Variants in PCDHA11 observed in about 807,000 individuals in gnomAD.
The protein encoded by PCDHA11 is protocadherin alpha-11.
A neutral mutation model predicts 70.3 loss-of-function variants in PCDHA11; 61 were observed. That is an observed-to-expected ratio of 0.87 (90% CI 0.71 to 1.07). The LOEUF (loss-of-function observed/expected upper bound fraction) is 1.07, where lower values mean the gene tolerates loss of function less well. PCDHA11 is among the 50% of genes least tolerant of loss of function. The pLI, the probability that PCDHA11 is intolerant of heterozygous loss-of-function variation, is 0.00. For synonymous variants in PCDHA11, 633 were observed against 555.1 expected (o/e 1.14, Z -1.97); for missense variants, 1,324 against 1,237.5 (o/e 1.07, Z -1.05).
chr5:140,884,479 C>A (rs1554181619), intron 1 of PCDHA11: 2 of 1,613,914 alleles, frequency 1.2e-6, no homozygotes, highest in African/African-American at 1.3e-5. Flanking sequence ...CGGGCAAGCC[C>A]ACTCTAGTGT....
intron 1 of PCDHA11, among the ~76,000 whole-genome samples, chr5:140,974,321 T>C (rs2096622495): frequency 6.6e-6 from 1 of 152,226 alleles, no homozygotes; most frequent in Non-Finnish European, 1.5e-5. Context: ...AGAGAGTAGC[T>C]GCTGTGCTAG....
intron 1 of PCDHA11, among the ~76,000 whole-genome samples, chr5:140,933,053 G>C (rs2088831256): frequency 6.6e-6 from 1 of 151,948 alleles, no homozygotes; most frequent in Non-Finnish European, 1.5e-5. Flanking sequence ...TTACAGTCCA[G>C]GATCCTGACT....
At chr5:141,004,258 A>C (rs1164603441) in intron 3 of PCDHA11, among the ~76,000 whole-genome samples, 1 of 152,232 alleles carries the variant, frequency 6.6e-6, no homozygotes, top group Non-Finnish European at 1.5e-5. Flanking sequence ...TTTTACTGGA[A>C]TGAGTCACAG....
chr5:140,883,290 T>C, intron 1 of PCDHA11: 1 of 1,614,060 alleles, frequency 6.2e-7, no homozygotes, highest in South Asian at 1.1e-5. Context: ...GTGGAAGTAC[T>C]AGATGTAAAT....
At chr5:140,951,170 A>G (rs62384503) in intron 1 of PCDHA11, among the ~76,000 whole-genome samples, 5,911 of 151,952 alleles carry the variant, frequency 0.039, 176 homozygotes, top group Non-Finnish European at 0.057. Flanking sequence ...TAGCTACTTT[A>G]AAGTCATTGT....
At chr5:140,978,455 G>A (rs782473387) in intron 1 of PCDHA11, among the ~76,000 whole-genome samples, 21 of 152,302 alleles carry the variant, frequency 1.4e-4, no homozygotes, top group Non-Finnish European at 2.8e-4. Context: ...GGGCACATCC[G>A]CCCTGGGTCA....
intron 3 of PCDHA11, among the ~76,000 whole-genome samples, chr5:141,007,395 CAAA>C (rs35800918): frequency 0.057 from 5,421 of 94,854 alleles, 127 homozygotes; most frequent in South Asian, 0.13. Context: ...TACTAAAATA[CAAA>C]AAAAAAAAAA....
At chr5:141,006,528 T>A (rs1161709459) in intron 3 of PCDHA11, among the ~76,000 whole-genome samples, 1 of 152,092 alleles carries the variant, frequency 6.6e-6, no homozygotes, top group African/African-American at 2.4e-5. Context: ...ACATCAGTTT[T>A]TAAAGAGAGA....
At chr5:140,995,371 C>G (rs143381591) in intron 3 of PCDHA11, among the ~76,000 whole-genome samples, 3 of 152,120 alleles carry the variant, frequency 2.0e-5, no homozygotes, top group Admixed American at 1.3e-4. Flanking sequence ...GGATGATTCA[C>G]GTACTGGGCA....
chr5:140,955,932 A>T (rs907189668), intron 1 of PCDHA11, among the ~76,000 whole-genome samples: 2 of 152,106 alleles, frequency 1.3e-5, no homozygotes, highest in Non-Finnish European at 2.9e-5. Flanking sequence ...GTTCATTCAT[A>T]ATATGGCTGT....
chr5:140,967,998 G>A lies in PCDHA11; in HGVS notation c.2392-10951G>A, dbSNP rs1554230183. The A allele has an allele frequency of 1.9e-6, 3 of 1,614,040 alleles. No individual in the cohort carries two copies. Among genetic ancestry groups the A allele is most frequent in the African/African-American group, 1.3e-5 (1 of 74,916 alleles). The stretch of plus-strand genomic sequence containing the variant: ...GGTCTGGAGGCCACACTGCCTTTCC[G>A]ACTGAATGGCTTTGGAAACTCCTAT... On this transcript the variant is annotated intron_variant, in intron 1 of 3. Transcript: ENST00000398640.
intron 3 of PCDHA11, among the ~76,000 whole-genome samples, chr5:140,984,074 A>T (rs1554245949): frequency 6.6e-6 from 1 of 152,268 alleles, no homozygotes; most frequent in African/African-American, 2.4e-5. Context: ...AGTGCCAACG[A>T]TGGAGTGAAG....
intron 1 of PCDHA11, chr5:140,929,266 C>T (rs1333907609): frequency 6.2e-7 from 1 of 1,611,352 alleles, no homozygotes; most frequent in Middle Eastern, 1.7e-4. Flanking sequence ...ACTGAATTTG[C>T]CAATATCCTG....
rs112338455 is a variant in PCDHA11 at position 140,903,390 on chromosome 5, A to G, written c.2391+31896A>G. ...TATAGGGAGGATTGTGGTTACTTCT[A>G]GAAACAGTAGTGCAGTCAGGAAAAA... On this transcript the variant is annotated intron_variant, in intron 1 of 3. Coordinates refer to ENST00000398640, the MANE Select transcript of PCDHA11 (RefSeq NM_018902.5). Among the ~76,000 whole-genome samples the G allele has an allele frequency of 4.3e-3, 662 of 152,354 alleles. 6 individuals are homozygous for G. Among genetic ancestry groups the G allele is most frequent in the African/African-American group, 0.015 (618 of 41,596 alleles).
chr5:140,908,844 C>G (rs533219921), intron 1 of PCDHA11, among the ~76,000 whole-genome samples: 1 of 152,156 alleles, frequency 6.6e-6, no homozygotes, highest in Non-Finnish European at 1.5e-5. Flanking sequence ...GCTGGAGTAA[C>G]ATACCCAAAT....
intron 1 of PCDHA11, among the ~76,000 whole-genome samples, chr5:140,978,477 G>A (rs1362771671): frequency 6.6e-6 from 1 of 152,342 alleles, no homozygotes; most frequent in African/African-American, 2.4e-5. Context: ...ATATGCTGCA[G>A]TCTGCAAAGC....
intron 1 of PCDHA11, among the ~76,000 whole-genome samples, chr5:140,872,509 C>A (rs1554166234): frequency 6.6e-6 from 1 of 152,076 alleles, no homozygotes; most frequent in Non-Finnish European, 1.5e-5. Flanking sequence ...TGCCTGTAGT[C>A]CCAGTTTCTT....
intron 1 of PCDHA11, chr5:140,883,577 G>C: frequency 1.2e-6 from 2 of 1,614,052 alleles, no homozygotes; most frequent in South Asian, 1.1e-5. Context: ...TTCGCTGTGG[G>C]CCACGGCCAG....
chr5:140,921,940 C>T (rs114983283), intron 1 of PCDHA11, among the ~76,000 whole-genome samples: 6,108 of 151,846 alleles, frequency 0.04, 136 homozygotes, highest in Non-Finnish European at 0.052. Context: ...TATAATTTTA[C>T]ACTTGTAAAA....
Sources: allele counts gnomAD v4.1 joint callset (sites outside exome capture counted in the v4.1 genomes callset), GRCh38; gene constraint gnomAD v4.1.1; transcripts MANE v1.5; gene names NCBI Gene and HGNC (gene_info 2026-07-23, HGNC 2026-07-21).